The following BRAF variants were observed in gnomAD, a reference collection of about 807,000 sequenced individuals.
BRAF encodes the protein serine/threonine-protein kinase B-raf.
Under a neutral mutation model 104.6 loss-of-function variants are expected in BRAF, and 16 were observed. The ratio of observed to expected loss-of-function variants is 0.15; its 90% CI spans 0.10 to 0.23. The LOEUF is 0.23. Among genes scored for constraint, BRAF ranks in the 10% least tolerant of loss-of-function variants. The pLI is 1.00. For missense variants in BRAF, 541 were observed against 937.3 expected (o/e 0.58, Z 5.52); for synonymous variants, 310 against 341.6 (o/e 0.91, Z 1.02).
At chr7:140,919,841 G>T (rs73165483) in intron 1 of BRAF, among the ~76,000 whole-genome samples, 12,373 of 137,508 alleles carry the variant, frequency 0.09, 523 homozygotes, top group Middle Eastern at 0.14. Context: ...TTTTTTTTTT[G>T]TTTGTTTGTT....
rs1193848321 is a variant in BRAF, at chr7:140,826,895, C to G, written c.504+7714G>C. Among the ~76,000 whole-genome samples the G allele has an allele frequency of 2.0e-5, 3 of 152,308 alleles. No individual in the cohort carries two copies. In the East Asian group the frequency reaches 5.8e-4, roughly 29 times the overall value. ...CAAGTCCCAAGAATGATTCTTCCCC[C>G]CTCAGGATTACACACTGCATTTGGT... On this transcript the variant is annotated intron_variant, in intron 3 of 19. Coordinates refer to ENST00000644969, the MANE Select transcript of BRAF (RefSeq NM_001374258.1).
intron 5 of BRAF, among the ~76,000 whole-genome samples, chr7:140,807,271 C>T (rs1266021912): frequency 2.6e-5 from 4 of 152,064 alleles, no homozygotes; most frequent in Non-Finnish European, 5.9e-5. Flanking sequence ...AGGGTGTGTA[C>T]AAGTGTGTCA....
intron 16 of BRAF, among the ~76,000 whole-genome samples, chr7:140,751,642 C>G (rs1346735735): frequency 2.6e-5 from 4 of 152,136 alleles, no homozygotes; most frequent in Non-Finnish European, 5.9e-5. Flanking sequence ...AGGTTAATGG[C>G]CAAATAGGGT....
At chr7:140,803,823 C>A (rs1255141954) in intron 5 of BRAF, among the ~76,000 whole-genome samples, 1 of 152,064 alleles carries the variant, frequency 6.6e-6, no homozygotes, top group Non-Finnish European at 1.5e-5. Context: ...GAATAAATAT[C>A]AAAATGTGAG....
chr7:140,869,368 C>G (rs1811314241), intron 1 of BRAF, among the ~76,000 whole-genome samples: 1 of 152,180 alleles, frequency 6.6e-6, no homozygotes, highest in Non-Finnish European at 1.5e-5. Flanking sequence ...CACAGTGACT[C>G]ATGTCTGCAA....
rs868663185 is a variant in BRAF, at chr7:140,924,771, T to G, written c.-68A>C. Reference sequence around the variant, plus strand: ...GGGAGGGGGAAGGGAGGCGGAGAGCTGGGGGAGGCGGAGGCGGAGGCGGAG... The same window carrying G: ...GGGAGGGGGAAGGGAGGCGGAGAGCGGGGGGAGGCGGAGGCGGAGGCGGAG... On this transcript the variant is annotated 5_prime_UTR_variant, in exon 1 of 20. Transcript: ENST00000644969. This position sits in a 1 kb window ranked among gnomAD's most constrained non-coding sequence, Gnocchi z 4.2. The G allele has an allele frequency of 1.8e-6, 1 of 569,288 alleles. No homozygotes were observed. The highest frequency in any genetic ancestry group is 2.1e-5 in the African/African-American group (1 of 47,184). 35.3% of individuals were successfully genotyped at this position (569,288 alleles called of 1,614,324 possible).
chr7:140,808,440 T>A (rs1331659130), intron 4 of BRAF: 3 of 355,320 alleles, frequency 8.4e-6, no homozygotes, highest in Non-Finnish European at 1.6e-5. Flanking sequence ...AGGGACAACA[T>A]GCCCCCAAAA....
chr7:140,795,845 G>C (rs1019087204), intron 7 of BRAF, among the ~76,000 whole-genome samples: 2 of 152,106 alleles, frequency 1.3e-5, no homozygotes, highest in Non-Finnish European at 2.9e-5. Flanking sequence ...AGGAAAATTA[G>C]CATGTTCCAT....
rs940384157 is a variant in BRAF at position 140,777,093 on chromosome 7, A to G, written c.1638-5T>C. On this transcript the variant is annotated splice_region_variant and splice_polypyrimidine_tract_variant and intron_variant, in intron 13 of 19. Transcript: ENST00000644969. ...ATATTCACATGTCGTGTTTTCCTGTACAAAGAAATGTGACAGTAAACATTA... is the reference window on the plus strand; with the variant it reads ...ATATTCACATGTCGTGTTTTCCTGTGCAAAGAAATGTGACAGTAAACATTA... The G allele has an allele frequency of 1.5e-5, 24 of 1,613,648 alleles. No homozygotes were observed. Among genetic ancestry groups the G allele is most frequent in the Non-Finnish European group, 1.9e-5 (22 of 1,179,600 alleles).
At chr7:140,792,280 T>G (rs561845991) in intron 8 of BRAF, among the ~76,000 whole-genome samples, 2 of 152,248 alleles carry the variant, frequency 1.3e-5, no homozygotes, top group South Asian at 2.1e-4. Context: ...TCATCTATCC[T>G]CCACTCTACC....
downstream of BRAF, among the ~76,000 whole-genome samples, chr7:140,719,141 T>C (rs939616397): frequency 1.3e-5 from 2 of 152,240 alleles, no homozygotes; most frequent in Admixed American, 1.3e-4. Flanking sequence ...GCAAGTTGTA[T>C]AGCACGTATA....
chr7:140,918,528 G>A (rs1240380486), intron 1 of BRAF, among the ~76,000 whole-genome samples: 1 of 152,014 alleles, frequency 6.6e-6, no homozygotes, highest in Non-Finnish European at 1.5e-5. Flanking sequence ...CCAGGGGTTG[G>A]GGGCCCCTGG....
intron 17 of BRAF, among the ~76,000 whole-genome samples, chr7:140,743,818 A>C (rs747446345): frequency 6.6e-6 from 1 of 152,142 alleles, no homozygotes; most frequent in South Asian, 2.1e-4. Flanking sequence ...GACATTTCTA[A>C]ATACTGGTGT....
At position 140,722,408 on chromosome 7, in the gene BRAF, GC is replaced by G; in HGVS notation, c.*4085del. 9.5e-7 allele frequency: 1 copy of G among 1,054,098 alleles called. No homozygotes were observed. Among genetic ancestry groups the G allele is most frequent in the Non-Finnish European group, 1.1e-6 (1 of 872,292 alleles). 65.3% of individuals were successfully genotyped at this position (1,054,098 alleles called of 1,614,324 possible). Reference sequence around the variant, plus strand: ...ATCACTGATTTCTGCTAAAATGTTAGCTTTTTTATTGCATCATGAAGGCACA... The same window carrying G: ...ATCACTGATTTCTGCTAAAATGTTAGTTTTTTATTGCATCATGAAGGCACA... On this transcript the variant is annotated 3_prime_UTR_variant, in exon 20 of 20. Coordinates refer to ENST00000644969, the MANE Select transcript of BRAF (RefSeq NM_001374258.1).
chr7:140,859,959 T>A (rs1352887900), intron 1 of BRAF, among the ~76,000 whole-genome samples: 1 of 152,246 alleles, frequency 6.6e-6, no homozygotes, highest in East Asian at 1.9e-4. Context: ...AGTGCTGGGA[T>A]TACAGGCGTA....
chr7:140,820,511 A>G (rs1805362466), intron 3 of BRAF, among the ~76,000 whole-genome samples: 1 of 152,236 alleles, frequency 6.6e-6, no homozygotes, highest in Non-Finnish European at 1.5e-5. Flanking sequence ...GAACAATCAT[A>G]AAAAACAGAC....
At chr7:140,749,242 G>A in intron 17 of BRAF, 45 bp downstream of exon 16, 1 of 1,608,272 alleles carries the variant, frequency 6.2e-7, no homozygotes, top group Non-Finnish European at 8.5e-7. Context: ...CTGGAGCCTT[G>A]TATATAGACG....
At chr7:140,899,381 G>A (rs981726650) in intron 1 of BRAF, among the ~76,000 whole-genome samples, 1 of 152,120 alleles carries the variant, frequency 6.6e-6, no homozygotes, top group Non-Finnish European at 1.5e-5. Flanking sequence ...TAGGGCAAAC[G>A]CCTAAGAGTG....
intron 9 of BRAF, 109 bp downstream of exon 9, chr7:140,787,439 A>C: frequency 1.6e-6 from 2 of 1,225,900 alleles, no homozygotes; most frequent in Non-Finnish European, 2.3e-6. Flanking sequence ...GTTTCTCTAC[A>C]CATTTTTCTC....
Sources: allele counts gnomAD v4.1 joint callset (sites outside exome capture counted in the v4.1 genomes callset), GRCh38; gene constraint gnomAD v4.1.1; non-coding constraint Gnocchi (gnomAD v3.1); transcripts MANE v1.5; gene names NCBI Gene and HGNC (gene_info 2026-07-23, HGNC 2026-07-21).